TTC28: variants seen among roughly 807,000 people sequenced by gnomAD.
TTC28 encodes tetratricopeptide repeat protein 28.
TTC28 carries 61 observed loss-of-function variants against 198.0 expected under a neutral mutation model. The ratio of observed to expected loss-of-function variants is 0.31; its 90% CI spans 0.25 to 0.38. The LOEUF (loss-of-function observed/expected upper bound fraction) is 0.38, where lower values mean the gene tolerates loss of function less well. Ranked by LOEUF, TTC28 falls within the 10% of genes least tolerant of loss-of-function variation. The probability of loss-of-function intolerance (pLI) is 1.00; values close to 1 mark genes in which losing one functional copy is unlikely to be tolerated. For missense variants in TTC28, 2,678 were observed against 3,164.0 expected, an observed-to-expected ratio of 0.85 and a Z score of 3.69; for synonymous variants, 1,171 against 1,297.8, an observed-to-expected ratio of 0.90 and a Z score of 2.10.
chr22:28,352,027 C>T (rs575375754), intron 2 of TTC28, among the ~76,000 whole-genome samples: 1 of 152,222 alleles, frequency 6.6e-6, no homozygotes, highest in East Asian at 1.9e-4. Flanking sequence ...CTCTACAACC[C>T]ACCCTCTAAT....
At chr22:28,287,905 C>A (rs1021861139) in intron 5 of TTC28, among the ~76,000 whole-genome samples, 2 of 152,138 alleles carry the variant, frequency 1.3e-5, no homozygotes, top group South Asian at 2.1e-4. Context: ...TATTTATATA[C>A]CCCCATGTGA....
chr22:28,330,601 T>C (rs758504850), intron 2 of TTC28, among the ~76,000 whole-genome samples: 13 of 152,224 alleles, frequency 8.5e-5, no homozygotes, highest in Non-Finnish European at 1.8e-4. Flanking sequence ...TATTATTTGT[T>C]GACAAGTTTT....
intron 2 of TTC28, among the ~76,000 whole-genome samples, chr22:28,393,292 G>A (rs533086901): frequency 3.3e-5 from 5 of 152,160 alleles, no homozygotes; most frequent in Middle Eastern, 3.4e-3. Flanking sequence ...GCTTTCTACA[G>A]TACCACTTAG....
intron 2 of TTC28, among the ~76,000 whole-genome samples, chr22:28,557,604 T>G (rs2049806192): frequency 6.6e-6 from 1 of 152,224 alleles, no homozygotes; most frequent in Non-Finnish European, 1.5e-5. Flanking sequence ...TTATGCATAG[T>G]TATTTAATAT....
intron 2 of TTC28, among the ~76,000 whole-genome samples, chr22:28,442,470 T>C (rs2047640272): frequency 6.6e-6 from 1 of 152,092 alleles, no homozygotes; most frequent in Non-Finnish European, 1.5e-5. Context: ...TTTAACCCCT[T>C]GGGGAAATAG....
At chr22:28,030,610 G>A (rs1336950353) in intron 12 of TTC28, among the ~76,000 whole-genome samples, 1 of 152,212 alleles carries the variant, frequency 6.6e-6, no homozygotes, top group Admixed American at 6.5e-5. Context: ...CGACTCTGCT[G>A]TGAACTCTCT....
chr22:28,083,783 G>A (rs1267515834), intron 12 of TTC28, among the ~76,000 whole-genome samples: 2 of 152,218 alleles, frequency 1.3e-5, no homozygotes, highest in South Asian at 2.1e-4. Context: ...GGTGACAGAC[G>A]GCACCTGGAA....
At position 28,163,351 on chromosome 22, in the gene TTC28, G is replaced by A; in HGVS notation, c.1182C>T (p.Ala394=). ...CACTGCCCAGGTTGCTATAAGCCCG[G>A]GCCTCTTCTCGCTTGTTCCCCAGGT... ...AKDLGNKREE[A]RAYSNLGSAY... Residue 394 remains alanine, a synonymous_variant, in exon 6 of 23, where the codon GCC becomes GCT. Transcript: ENST00000397906. 1 of 1,552,010 alleles carries A rather than the reference G, an allele frequency of 6.4e-7. No individual in the cohort carries two copies. The highest frequency in any genetic ancestry group is 8.7e-7 in the Non-Finnish European group (1 of 1,147,054).
intron 2 of TTC28, among the ~76,000 whole-genome samples, chr22:28,346,536 G>A (rs1267664275): frequency 6.6e-6 from 1 of 152,138 alleles, no homozygotes; most frequent in Non-Finnish European, 1.5e-5. Flanking sequence ...AGAATACCAG[G>A]GAAAGATCCA....
intron 2 of TTC28, among the ~76,000 whole-genome samples, chr22:28,368,127 T>A (rs2046277107): frequency 6.6e-6 from 1 of 151,920 alleles, no homozygotes; most frequent in Non-Finnish European, 1.5e-5. Flanking sequence ...GGCCAATATC[T>A]CTGATAAATA....
At chr22:28,022,537 C>T (rs918735615) in intron 13 of TTC28, among the ~76,000 whole-genome samples, 1 of 152,238 alleles carries the variant, frequency 6.6e-6, no homozygotes, top group Non-Finnish European at 1.5e-5. Context: ...AGCCCCTCAA[C>T]CCCTCTGGGC....
chr22:28,313,089 C>T lies in TTC28; in HGVS notation c.382-6446G>A, dbSNP rs558893359. On this transcript the variant is annotated intron_variant, in intron 2 of 22. Transcript: ENST00000397906. ...TCAGAGTATACTATAAACACCTCTA[C>T]GCAAATAAACTAGAAAATCTAGAAG... Among the ~76,000 whole-genome samples, 333 of 152,164 alleles carry T rather than the reference C, an allele frequency of 2.2e-3. 2 individuals are homozygous for T. Among genetic ancestry groups the T allele is most frequent in the African/African-American group, 7.3e-3 (304 of 41,522 alleles).
intron 10 of TTC28, among the ~76,000 whole-genome samples, chr22:28,098,033 A>G (rs1473809668): frequency 2.6e-5 from 4 of 152,216 alleles, no homozygotes; most frequent in East Asian, 3.8e-4. Context: ...CCAAATTCAA[A>G]GCCTTTGTTA....
At chr22:28,168,177 C>G (rs969171838) in intron 5 of TTC28, among the ~76,000 whole-genome samples, 3 of 152,256 alleles carry the variant, frequency 2.0e-5, no homozygotes, top group African/African-American at 7.2e-5. Context: ...AAAGAGGGCA[C>G]AACCAAATGC....
At chr22:28,355,558 T>C (rs929059467) in intron 2 of TTC28, among the ~76,000 whole-genome samples, 2 of 152,226 alleles carry the variant, frequency 1.3e-5, no homozygotes, top group Non-Finnish European at 2.9e-5. Flanking sequence ...GTAGAGATTA[T>C]TATCCATTTC....
At chr22:28,343,775 T>G (rs1415456444) in intron 2 of TTC28, among the ~76,000 whole-genome samples, 6 of 152,218 alleles carry the variant, frequency 3.9e-5, no homozygotes, top group South Asian at 2.1e-4. Flanking sequence ...ACAGCTGCTC[T>G]ACAGCTTTCA....
intron 2 of TTC28, among the ~76,000 whole-genome samples, chr22:28,568,496 A>C (rs1271573196): frequency 2.0e-5 from 3 of 152,198 alleles, no homozygotes; most frequent in Non-Finnish European, 4.4e-5. Flanking sequence ...TAGATCTGAT[A>C]ACTAACTTCA....
intron 5 of TTC28, among the ~76,000 whole-genome samples, chr22:28,289,788 G>A (rs897802072): frequency 5.3e-5 from 8 of 152,172 alleles, no homozygotes; most frequent in South Asian, 2.1e-4. Flanking sequence ...CACTTTGGGA[G>A]GCCAAGGCGG....
chr22:28,030,163 A>G (rs1939014382), intron 13 of TTC28, 63 bp downstream of exon 13: 3 of 1,534,528 alleles, frequency 2.0e-6, no homozygotes, highest in Non-Finnish European at 2.6e-6. Context: ...CACTGAAAGC[A>G]TATTATCTGT....
Sources: allele counts gnomAD v4.1 joint callset (sites outside exome capture counted in the v4.1 genomes callset), GRCh38; gene constraint gnomAD v4.1.1; transcripts MANE v1.5; gene names NCBI Gene and HGNC (gene_info 2026-07-23, HGNC 2026-07-21).